Variants in PKHD1 observed in about 807,000 individuals in gnomAD.
PKHD1 encodes PKHD1 ciliary IPT domain containing fibrocystin/polyductin, also known as fibrocystin.
Under a neutral mutation model 412.0 loss-of-function variants are expected in PKHD1, and 291 were observed. That is an observed-to-expected ratio of 0.71 (90% confidence interval 0.64 to 0.78). The LOEUF (loss-of-function observed/expected upper bound fraction) is 0.78, where lower values mean the gene tolerates loss of function less well. Among genes scored for constraint, PKHD1 ranks in the 30% least tolerant of loss-of-function variants. PKHD1 has a pLI of 0.00. For missense variants in PKHD1, 4,825 were observed against 4,950.7 expected (o/e 0.97, Z 0.76); for synonymous variants, 1,777 against 1,821.5 (o/e 0.98, Z 0.62).
intron 57 of PKHD1, among the ~76,000 whole-genome samples, chr6:51,751,416 A>G (rs1261080862): frequency 3.9e-5 from 6 of 152,308 alleles, no homozygotes; most frequent in Non-Finnish European, 8.8e-5. Flanking sequence ...AAATTTGAAG[A>G]AAGTCTTGAG....
chr6:51,677,535 T>A (rs1164363647), intron 60 of PKHD1, among the ~76,000 whole-genome samples: 3 of 152,076 alleles, frequency 2.0e-5, no homozygotes, highest in Non-Finnish European at 4.4e-5. Flanking sequence ...TTATGAGCAA[T>A]CTCGCCAAAG....
intron 36 of PKHD1, among the ~76,000 whole-genome samples, chr6:51,941,797 C>G (rs1191082712): frequency 6.6e-6 from 1 of 151,456 alleles, no homozygotes; most frequent in Non-Finnish European, 1.5e-5. Flanking sequence ...ACCCTTCATC[C>G]CAGCCTCTCT....
At chr6:52,078,237 G>A (rs1268683719) in intron 5 of PKHD1, among the ~76,000 whole-genome samples, 4 of 152,116 alleles carry the variant, frequency 2.6e-5, no homozygotes, top group Non-Finnish European at 4.4e-5. Context: ...AACATGGTAC[G>A]TTTCTAAGAG....
At chr6:51,814,831 A>C (rs1045195041) in intron 52 of PKHD1, among the ~76,000 whole-genome samples, 4 of 152,180 alleles carry the variant, frequency 2.6e-5, no homozygotes, top group Non-Finnish European at 5.9e-5. Context: ...AGTTCAGAGA[A>C]CTTCATCAAG....
intron 35 of PKHD1, among the ~76,000 whole-genome samples, chr6:51,977,602 A>C (rs1161736983): frequency 6.6e-6 from 1 of 152,126 alleles, no homozygotes; most frequent in Non-Finnish European, 1.5e-5. Context: ...CTTTGCACAT[A>C]CTGCTGTAGT....
chr6:51,934,165 G>T lies in PKHD1; in HGVS notation c.6066C>A (p.Phe2022Leu). The T allele has an allele frequency of 6.2e-7, 1 of 1,613,930 alleles. No homozygotes were observed. Among genetic ancestry groups the T allele is most frequent in the Non-Finnish European group, 8.5e-7 (1 of 1,179,784 alleles). ...TLYGSSYSTP[F>L]FPYGVKFLAV... ...CCAGGAACTTGACTCCATAGGGAAA[G>T]AAGGGAGTTGAGTAGGAACTCCCGT... Residue 2022 changes from phenylalanine (F) to leucine (L), a missense_variant, in exon 37 of 67, where the codon TTC becomes TTA. Transcript: ENST00000371117.
At chr6:51,631,761 G>A (rs1400239032) in intron 65 of PKHD1, among the ~76,000 whole-genome samples, 1 of 151,828 alleles carries the variant, frequency 6.6e-6, no homozygotes, top group Non-Finnish European at 1.5e-5. Flanking sequence ...CTTTCCCTCA[G>A]TGACTACAAG....
chr6:51,963,162 C>T (rs1301736169), intron 35 of PKHD1, among the ~76,000 whole-genome samples: 1 of 152,032 alleles, frequency 6.6e-6, no homozygotes, highest in Non-Finnish European at 1.5e-5. Flanking sequence ...GAAACATTTA[C>T]ATCCCTTTTC....
chr6:52,015,989 G>A (rs1044974592), intron 34 of PKHD1, among the ~76,000 whole-genome samples: 1 of 152,168 alleles, frequency 6.6e-6, no homozygotes, highest in Non-Finnish European at 1.5e-5. Flanking sequence ...GAGCATGGAA[G>A]AACCCCAAAG....
chr6:52,001,722 C>T (rs879873732), intron 35 of PKHD1, among the ~76,000 whole-genome samples: 14 of 152,036 alleles, frequency 9.2e-5, no homozygotes, highest in Admixed American at 2.6e-4. Flanking sequence ...TGAGCCACCA[C>T]GCCCAGCCTC....
In PKHD1 at chr6:51,748,367, C is replaced by G; in HGVS notation, c.9249G>C (p.Val3083=). Residue 3083 remains valine, a synonymous_variant, in exon 58 of 67, where the codon GTG becomes GTC. Transcript: ENST00000371117. ...WSTIWVAGIK[V]NQVKDINLHG... The stretch of plus-strand genomic sequence containing the variant: ...GGAGGTTGATGTCCTTTACCTGGTT[C>G]ACTTTGATTCCCGCCACCCAAATGG... The G allele has an allele frequency of 1.2e-6, 2 of 1,614,030 alleles. No homozygotes were observed. The highest frequency in any genetic ancestry group is 1.7e-6 in the Non-Finnish European group (2 of 1,179,946).
chr6:51,999,632 A>C (rs1798122023), intron 35 of PKHD1, among the ~76,000 whole-genome samples: 1 of 152,174 alleles, frequency 6.6e-6, no homozygotes, highest in South Asian at 2.1e-4. Flanking sequence ...TGAATCAACA[A>C]GAATTAAAAA....
In PKHD1 at chr6:51,912,551, G is replaced by A. The variant is rs2127668037; in HGVS notation, c.6147C>T (p.Thr2049=). ...LHGSLPEVIV[T]CLRATAHALD... is the part of the protein sequence containing the mutation. Reference sequence around the variant, plus strand: ...GGGCATGGGCAGTTGCTCTAAGACAGGTGACAATTACTTCTGGTAGTGAAC... The same window carrying A: ...GGGCATGGGCAGTTGCTCTAAGACAAGTGACAATTACTTCTGGTAGTGAAC... Residue 2049 remains threonine (T), a synonymous_variant, in exon 38 of 67, where the codon ACC becomes ACT. Coordinates refer to ENST00000371117, the MANE Select transcript of PKHD1 (RefSeq NM_138694.4). The A allele has an allele frequency of 1.2e-6, 2 of 1,612,748 alleles. No homozygotes were observed. Among genetic ancestry groups the A allele is most frequent in the Non-Finnish European group, 1.7e-6 (2 of 1,179,040 alleles).
intron 46 of PKHD1, among the ~76,000 whole-genome samples, chr6:51,874,003 G>A (rs1359606016): frequency 6.6e-6 from 1 of 152,148 alleles, no homozygotes; most frequent in Non-Finnish European, 1.5e-5. Context: ...CTCCCAGGGA[G>A]AGCTAGTATA....
intron 51 of PKHD1, among the ~76,000 whole-genome samples, chr6:51,835,063 A>G (rs1768954209): frequency 6.6e-6 from 1 of 152,230 alleles, no homozygotes. Context: ...TCTATGAAGT[A>G]TGGGCTTTCT....
chr6:51,738,196 C>T (rs146858622), intron 60 of PKHD1, among the ~76,000 whole-genome samples: 177 of 152,286 alleles, frequency 1.2e-3, no homozygotes, highest in South Asian at 3.1e-3. Flanking sequence ...CTGCACTGCC[C>T]GCCTCCAGAC....
intron 52 of PKHD1, among the ~76,000 whole-genome samples, chr6:51,817,286 T>C (rs1765619918): frequency 6.6e-6 from 1 of 152,100 alleles, no homozygotes; most frequent in African/African-American, 2.4e-5. Flanking sequence ...ACAAAATGTG[T>C]GTCATCATAG....
At chr6:51,684,893 A>G (rs965452282) in intron 60 of PKHD1, among the ~76,000 whole-genome samples, 4 of 152,124 alleles carry the variant, frequency 2.6e-5, no homozygotes, top group African/African-American at 9.7e-5. Flanking sequence ...TCAAAGGCCA[A>G]TTTCCATCCA....
In PKHD1 at chr6:51,934,278, C is replaced by T. The variant is rs2127769211; in HGVS notation, c.5953G>A (p.Ala1985Thr). ...FMAPGPIELRAHAILVSDGGE... is the reference protein window; with the variant it reads ...FMAPGPIELRTHAILVSDGGE... ...CCATCAGAAACAAGGATGGCGTGTG[C>T]CCTGAGCTCGATGGGTCCTGGGGCC... Residue 1985 changes from alanine (A) to threonine (T), a missense_variant, in exon 37 of 67, where the codon GCA becomes ACA. Ala to Thr is a moderately conservative substitution (Grantham distance 58). Transcript: ENST00000371117. The T allele has an allele frequency of 6.2e-7, 1 of 1,613,368 alleles. No individual in the cohort carries two copies. Among genetic ancestry groups the T allele is most frequent in the Non-Finnish European group, 8.5e-7 (1 of 1,179,936 alleles).
Sources: gnomAD v4.1 joint callset for allele counts (sites outside exome capture counted in the v4.1 genomes callset) on GRCh38, gnomAD v4.1.1 for gene constraint, MANE v1.5 for transcripts, NCBI Gene and HGNC (gene_info 2026-07-23, HGNC 2026-07-21) for gene names.